The following SLFN11 variants were observed in gnomAD, a reference collection of about 807,000 sequenced individuals.
SLFN11 encodes the protein schlafen family member 11.
A neutral mutation model predicts 53.4 loss-of-function variants in SLFN11; 43 were observed. The observed-to-expected ratio is 0.80, with a 90% CI of 0.63 to 1.04. SLFN11 has a LOEUF of 1.04. Ranked by LOEUF, SLFN11 falls within the 50% of genes least tolerant of loss-of-function variation. SLFN11 has a pLI of 0.00. For synonymous variants in SLFN11, 389 were observed against 394.7 expected (o/e 0.99, Z 0.17); for missense variants, 990 against 1,079.1 (o/e 0.92, Z 1.16).
At chr17:35,371,751 A>G (rs1909695450) in intron 1 of SLFN11, among the ~76,000 whole-genome samples, 1 of 152,192 alleles carries the variant, frequency 6.6e-6, no homozygotes, top group Non-Finnish European at 1.5e-5. Flanking sequence ...AGAAAAATGC[A>G]AATCCAAACT....
At chr17:35,369,592 T>C (rs1253317669) in intron 1 of SLFN11, among the ~76,000 whole-genome samples, 6 of 152,024 alleles carry the variant, frequency 3.9e-5, no homozygotes, top group Non-Finnish European at 7.4e-5. Flanking sequence ...GTTGATTGTT[T>C]GAAAAGATAA....
chr17:35,355,930 A>G (rs1907414503), intron 5 of SLFN11, among the ~76,000 whole-genome samples: 1 of 152,130 alleles, frequency 6.6e-6, no homozygotes, highest in South Asian at 2.1e-4. Context: ...TCTGGGAACT[A>G]ATTTCACCAT....
Position 35,362,911 on chromosome 17 carries a change from A to G in SLFN11, c.897T>C (p.Ile299=), listed in dbSNP as rs2141965443. ...PQRPITFTLK[I]VNVLKRGELY... ...GCTCTCCCCTTTTTAACACATTCAC[A>G]ATTTTGAGTGTGAAGGTTATCGGGC... is the stretch of plus-strand genomic sequence containing the variant. The change falls in exon 4 of 7, where the codon ATT becomes ATC. Residue 299 remains isoleucine (I), a synonymous_variant. Coordinates refer to ENST00000685675, the MANE Select transcript of SLFN11 (RefSeq NM_001376007.1). 7 of 1,613,880 alleles carry G rather than the reference A, an allele frequency of 4.3e-6. No homozygotes were observed. Among genetic ancestry groups the G allele is most frequent in the Non-Finnish European group, 5.9e-6 (7 of 1,179,906 alleles).
chr17:35,372,828 G>A (rs1188012914), intron 1 of SLFN11, among the ~76,000 whole-genome samples: 1 of 151,952 alleles, frequency 6.6e-6, no homozygotes, highest in Non-Finnish European at 1.5e-5. Flanking sequence ...AATGGGCTGC[G>A]ACAGATGTGC....
intron 5 of SLFN11, chr17:35,360,017 AG>A: frequency 2.2e-6 from 1 of 447,222 alleles, no homozygotes; most frequent in Non-Finnish European, 3.9e-6. Flanking sequence ...ATAGTCTTTA[AG>A]GGAAATAATG....
chr17:35,364,481 T>A (rs1802551702), intron 3 of SLFN11, among the ~76,000 whole-genome samples: 1 of 152,076 alleles, frequency 6.6e-6, no homozygotes, highest in African/African-American at 2.4e-5. Context: ...AGCTAGGTGA[T>A]GACTCAAAAG....
rs1234810749 is a variant in SLFN11 at position 35,354,050 on chromosome 17, C to T, written c.1208G>A (p.Gly403Glu). 6.2e-7 allele frequency: 1 copy of T among 1,602,278 alleles called. No individual in the cohort carries two copies. Among genetic ancestry groups the T allele is most frequent in the South Asian group, 1.1e-5 (1 of 89,670 alleles). Residue 403 changes from glycine (G) to glutamate (E), a missense_variant, in exon 6 of 7, where the codon GGA becomes GAA. Transcript: ENST00000685675. ...LQQLLFSVPP[G>E]YLRYTPESLW... Reference sequence around the variant, plus strand: ...TGACTCTGGAGTATATCGCAAATATCCTGGTGGGACTGTATGTGAAAAGAA... The same window carrying T: ...TGACTCTGGAGTATATCGCAAATATTCTGGTGGGACTGTATGTGAAAAGAA...
Position 35,350,455 on chromosome 17 carries a change from A to C in SLFN11, c.*1901T>G, listed in dbSNP as rs781296287. 2.0e-5 allele frequency: 3 copies of C among 152,184 alleles called. No homozygotes were observed. Among genetic ancestry groups the C allele is most frequent in the Non-Finnish European group, 4.4e-5 (3 of 68,034 alleles). 9.4% of individuals were successfully genotyped at this position (152,184 alleles called of 1,614,324 possible). A position where few individuals can be genotyped will look rare whatever the true frequency, so the allele number is the denominator to read the frequency against. On this transcript the variant is annotated 3_prime_UTR_variant, in exon 7 of 7. Transcript: ENST00000685675. ...AATTCATAATTATTTATACATTTTAAAATATTATATTGTTTCAAATATTGT... is the reference window on the plus strand; with the variant it reads ...AATTCATAATTATTTATACATTTTACAATATTATATTGTTTCAAATATTGT...
Position 35,360,283 on chromosome 17 carries a change from G to A in SLFN11, c.1158C>T (p.Gly386=). 6 of 1,610,406 alleles carry A rather than the reference G, an allele frequency of 3.7e-6. No individual in the cohort carries two copies. Among genetic ancestry groups the A allele is most frequent in the Non-Finnish European group, 4.2e-6 (5 of 1,178,962 alleles). The change falls in exon 5 of 7, where the codon GGC becomes GGT. Residue 386 remains glycine (G), a synonymous_variant. Transcript: ENST00000685675. ...GCTGGAGTTCCTTTTTATGTTCCAGGCCTTTCTTGGAGTACACTGGTCTGC... is the reference window on the plus strand; with the variant it reads ...GCTGGAGTTCCTTTTTATGTTCCAGACCTTTCTTGGAGTACACTGGTCTGC... ...PLSRPVYSKK[G]LEHKKELQQL... is the part of the protein sequence containing the mutation.
chr17:35,370,564 A>T (rs934407589), intron 1 of SLFN11, among the ~76,000 whole-genome samples: 2 of 152,120 alleles, frequency 1.3e-5, no homozygotes, highest in Admixed American at 1.3e-4. Context: ...ATGATCTTAC[A>T]TTTGAAAAAA....
chr17:35,353,032 T>C lies in SLFN11; in HGVS notation c.2030A>G (p.Asp677Gly), dbSNP rs755740719. Residue 677 changes from aspartate (D) to glycine (G), a missense_variant, in exon 7 of 7, where the codon GAT (aspartate) becomes GGT (glycine). By Grantham distance (94) the Asp-to-Gly change is moderately conservative. Coordinates refer to ENST00000685675, the MANE Select transcript of SLFN11 (RefSeq NM_001376007.1). Reference sequence around the variant, plus strand: ...TTTTGCCTTCCCATACCAGTCCCCATCTTCAGTACGGAAATTCTGAGCTTC... The same window carrying C: ...TTTTGCCTTCCCATACCAGTCCCCACCTTCAGTACGGAAATTCTGAGCTTC... ...IDEAQNFRTEDGDWYGKAKSI... is the reference protein window; with the variant it reads ...IDEAQNFRTEGGDWYGKAKSI... 3 of 1,614,182 alleles carry C rather than the reference T, an allele frequency of 1.9e-6. No individual in the cohort carries two copies. Among genetic ancestry groups the C allele is most frequent in the South Asian group, 1.1e-5 (1 of 91,076 alleles).
In SLFN11 at chr17:35,363,293, C is replaced by T. The variant is rs771533951; in HGVS notation, c.515G>A (p.Gly172Asp). The T allele has an allele frequency of 5.6e-6, 9 of 1,614,010 alleles. No homozygotes were observed. Among genetic ancestry groups the T allele is most frequent in the Non-Finnish European group, 7.6e-6 (9 of 1,179,996 alleles). ...CGAGTTAGGGAGCTCTTGGTATACA[C>T]CCTTGTGAATTTTGTGAAAAGGTCC... The part of the protein sequence containing the change: ...EEGPFHKIHK[G>D]VYQELPNSDP... Residue 172 changes from glycine to aspartate, a missense_variant, in exon 4 of 7, where the codon GGT (glycine) becomes GAT (aspartate). Physicochemically the swap from Gly to Asp is moderately conservative, Grantham distance 94. Transcript: ENST00000685675.
At chr17:35,361,260 C>T (rs1908168623) in intron 4 of SLFN11, among the ~76,000 whole-genome samples, 1 of 152,000 alleles carries the variant, frequency 6.6e-6, no homozygotes, top group Non-Finnish European at 1.5e-5. Context: ...TGATGCAAGG[C>T]AAGAAATATT....
rs760558446 is a variant in SLFN11, at chr17:35,353,933, G to A, written c.1325C>T (p.Ser442Phe). The A allele has an allele frequency of 4.3e-6, 7 of 1,613,856 alleles. No homozygotes were observed. In the Admixed American group the frequency reaches 5.0e-5, roughly 12 times the overall value. The stretch of plus-strand genomic sequence containing the variant: ...GTTCAGGTCCACAGCCCAACTTCTA[G>A]AGAAGATCAAAATTCCCCGAAAGAA... ...QPFFRGILIF[S>F]RSWAVDLNLQ... The change falls in exon 6 of 7, where the codon TCT becomes TTT. Residue 442 changes from serine (S) to phenylalanine (F), a missense_variant. This residue lies in a region of SLFN11 where 521 missense variants were observed against 516.2 expected (regional missense o/e 1.01). Transcript: ENST00000685675.
rs1170020552 is a variant in SLFN11, at chr17:35,350,956, T to C, written c.*1400A>G. 1 of 152,250 alleles carries C rather than the reference T, an allele frequency of 6.6e-6. No individual in the cohort carries two copies. The highest frequency in any genetic ancestry group is 2.4e-5 in the African/African-American group (1 of 41,478). The allele number at this position is 152,250 out of a possible 1,614,324, so 9.4% of individuals were successfully genotyped here. On this transcript the variant is annotated 3_prime_UTR_variant, in exon 7 of 7. Transcript: ENST00000685675. The stretch of plus-strand genomic sequence containing the variant: ...TTGTAGAGACTGAAAAGCAAATAAA[T>C]AATTGCATTAGCATTGTTAAGTATC...
chr17:35,360,082 A>G, intron 5 of SLFN11, 161 bp downstream of exon 5: 2 of 689,104 alleles, frequency 2.9e-6, no homozygotes, highest in South Asian at 2.0e-5. Context: ...GTAAGGGTTC[A>G]TTTCTAAACC....
chr17:35,356,708 C>T (rs1907519294), intron 5 of SLFN11, among the ~76,000 whole-genome samples: 1 of 151,736 alleles, frequency 6.6e-6, no homozygotes, highest in African/African-American at 2.4e-5. Flanking sequence ...TTGATGGGCC[C>T]TTGAGTTTTC....
intron 3 of SLFN11, 109 bp from the exon 4 acceptor site, chr17:35,363,935 G>A (rs1908618023): frequency 1.2e-6 from 1 of 814,348 alleles, no homozygotes; most frequent in East Asian, 2.7e-5. Context: ...AAGCAAGACA[G>A]GAGCAATCCC....
intron 5 of SLFN11, among the ~76,000 whole-genome samples, chr17:35,354,771 G>A (rs1420321468): frequency 1.3e-5 from 2 of 152,104 alleles, no homozygotes; most frequent in South Asian, 2.1e-4. Flanking sequence ...AATGATCAAG[G>A]GTTCCAAAGT....
Sources: gnomAD v4.1 joint callset for allele counts (sites outside exome capture counted in the v4.1 genomes callset) on GRCh38, gnomAD v4.1.1 for gene constraint, gnomAD v4.1.1 regional missense constraint, MANE v1.5 for transcripts, NCBI Gene and HGNC (gene_info 2026-07-23, HGNC 2026-07-21) for gene names.